LRRC7: variants seen among roughly 807,000 people sequenced by gnomAD.
The protein encoded by LRRC7 is leucine-rich repeat-containing protein 7.
In LRRC7, 23 loss-of-function variants were observed where a neutral mutation model predicts 175.7. The ratio of observed to expected loss-of-function variants is 0.13; its 90% CI spans 0.09 to 0.19. The LOEUF is 0.19. Ranked by LOEUF, LRRC7 falls within the 10% of genes least tolerant of loss-of-function variation. The pLI is 1.00. For synonymous variants in LRRC7, 685 were observed against 680.9 expected, an observed-to-expected ratio of 1.01 and a Z score of -0.09; for missense variants, 1,354 against 1,904.7, an observed-to-expected ratio of 0.71 and a Z score of 5.38.
intron 1 of LRRC7, among the ~76,000 whole-genome samples, chr1:69,652,916 A>G (rs1267064656): frequency 1.3e-5 from 2 of 152,134 alleles, no homozygotes; most frequent in African/African-American, 4.8e-5. Flanking sequence ...TAGTGTGGGG[A>G]AAGCTGAATA....
chr1:69,632,356 T>C (rs1489326359), intron 1 of LRRC7, among the ~76,000 whole-genome samples: 1 of 152,206 alleles, frequency 6.6e-6, no homozygotes. Flanking sequence ...CTGTGATATA[T>C]GGCTTATAAA....
chr1:70,013,487 T>A (rs1656702399), intron 13 of LRRC7, among the ~76,000 whole-genome samples: 1 of 151,948 alleles, frequency 6.6e-6, no homozygotes, highest in Non-Finnish European at 1.5e-5. Flanking sequence ...TATTTTGGTT[T>A]CCAACAAATT....
intron 1 of LRRC7, among the ~76,000 whole-genome samples, chr1:69,589,431 C>T (rs955099168): frequency 8.5e-5 from 13 of 152,192 alleles, no homozygotes; most frequent in African/African-American, 2.6e-4. Flanking sequence ...AGCTCAGACG[C>T]GTTCATGTCT....
At chr1:69,596,537 T>C (rs973974096) in intron 1 of LRRC7, among the ~76,000 whole-genome samples, 4 of 152,206 alleles carry the variant, frequency 2.6e-5, no homozygotes, top group Non-Finnish European at 1.5e-5. Flanking sequence ...CACGGAAGTG[T>C]CGCAGAAAGA....
intron 7 of LRRC7, among the ~76,000 whole-genome samples, chr1:69,858,673 A>G (rs1015335823): frequency 3.9e-5 from 6 of 152,088 alleles, no homozygotes; most frequent in East Asian, 1.9e-4. Flanking sequence ...GATCCAGATG[A>G]CAACTGCTCA....
chr1:69,684,822 G>C (rs1660926036), intron 2 of LRRC7, among the ~76,000 whole-genome samples: 1 of 152,170 alleles, frequency 6.6e-6, no homozygotes, highest in Non-Finnish European at 1.5e-5. Context: ...TTGGAAGAGA[G>C]CCACCGATAT....
chr1:69,924,777 T>C lies in LRRC7; in HGVS notation c.648-6730T>C, dbSNP rs1329027559. On this transcript the variant is annotated intron_variant, in intron 7 of 26. Coordinates refer to ENST00000651989, the MANE Select transcript of LRRC7 (RefSeq NM_001370785.2). ...CAATTTGACTTCCTCTTTTCCTAAT[T>C]GGATACCCTTTATTTCTTTCTCATG... is the stretch of plus-strand genomic sequence containing the variant. Among the ~76,000 whole-genome samples, 18 of 152,348 alleles carry C rather than the reference T, an allele frequency of 1.2e-4. No individual in the cohort carries two copies. In the East Asian group the frequency reaches 2.9e-3, roughly 24 times the overall value.
At position 69,635,291 on chromosome 1, in the gene LRRC7, T is replaced by C. The variant is rs1436705989; in HGVS notation, c.3-43090T>C. Among the ~76,000 whole-genome samples the C allele has an allele frequency of 1.5e-4, 23 of 152,060 alleles. No homozygotes were observed. In the East Asian group the frequency reaches 3.5e-3, roughly 23 times the overall value. On this transcript the variant is annotated intron_variant, in intron 1 of 26. Transcript: ENST00000651989. ...TTTATGGCTGCATAGTATTCCATGG[T>C]GTATTTAGTGTTTGCTTTAAGCTTA...
At chr1:70,024,038 AAC>A (rs1657815631) in intron 17 of LRRC7, among the ~76,000 whole-genome samples, 1 of 152,072 alleles carries the variant, frequency 6.6e-6, no homozygotes. Flanking sequence ...ATGTCTTGTA[AAC>A]TTTACTATCC....
At chr1:69,818,087 A>C (rs949874106) in intron 4 of LRRC7, among the ~76,000 whole-genome samples, 2 of 152,026 alleles carry the variant, frequency 1.3e-5, no homozygotes, top group Non-Finnish European at 2.9e-5. Context: ...TTCCTTTCTG[A>C]CTTAGTTGCC....
chr1:69,715,591 A>T (rs1477204346), intron 2 of LRRC7, among the ~76,000 whole-genome samples: 1 of 151,982 alleles, frequency 6.6e-6, no homozygotes, highest in Non-Finnish European at 1.5e-5. Flanking sequence ...CTATGACTAT[A>T]TGCACATATA....
intron 4 of LRRC7, among the ~76,000 whole-genome samples, chr1:69,810,011 A>G (rs1336624354): frequency 6.6e-6 from 1 of 152,194 alleles, no homozygotes; most frequent in Non-Finnish European, 1.5e-5. Context: ...ATGATTGTAT[A>G]TTTAAAAAAC....
intron 4 of LRRC7, among the ~76,000 whole-genome samples, chr1:69,817,480 A>G (rs1678734143): frequency 6.6e-6 from 1 of 151,954 alleles, no homozygotes; most frequent in South Asian, 2.1e-4. Context: ...ATTTATTCCA[A>G]TGATCTCTAA....
At chr1:69,936,165 C>T (rs1447705205) in intron 8 of LRRC7, among the ~76,000 whole-genome samples, 2 of 152,118 alleles carry the variant, frequency 1.3e-5, no homozygotes, top group African/African-American at 4.8e-5. Context: ...TTGTAATTAG[C>T]ACAAACAATA....
chr1:70,128,462 A>G lies in LRRC7; in HGVS notation c.*6575A>G, dbSNP rs1666535978. 6.6e-6 allele frequency: 1 copy of G among 152,206 alleles called. No individual in the cohort carries two copies. The highest frequency in any genetic ancestry group is 2.1e-4 in the South Asian group (1 of 4,834). The allele number at this position is 152,206 out of a possible 1,614,324, so 9.4% of individuals were successfully genotyped here. ...TAAGCAGCCTAACAAATAGCCAAGT[A>G]TCTTTACATCCAGAGTAAAGTATCT... On this transcript the variant is annotated 3_prime_UTR_variant, in exon 27 of 27. Transcript: ENST00000651989.
rs1281563869 is a variant in LRRC7, at chr1:69,834,977, C to T, written c.590+108C>T. ...AGTGTCAGTTGTGATTAAAGATAGG[C>T]CTCATTATTATTCAATAAATGAAAC... is the stretch of plus-strand genomic sequence containing the variant. On this transcript the variant is annotated intron_variant, in intron 6 of 26. Coordinates refer to ENST00000651989, the MANE Select transcript of LRRC7 (RefSeq NM_001370785.2). 8 of 774,464 alleles carry T rather than the reference C, an allele frequency of 1.0e-5. No individual in the cohort carries two copies. In the East Asian group the frequency reaches 1.9e-4, roughly 19 times the overall value. The allele number at this position is 774,464 out of a possible 1,614,324, so 48.0% of individuals were successfully genotyped here. A position where few individuals can be genotyped will look rare whatever the true frequency, so the allele number is the denominator to read the frequency against.
chr1:69,622,023 C>T (rs1650698520), intron 1 of LRRC7, among the ~76,000 whole-genome samples: 1 of 152,156 alleles, frequency 6.6e-6, no homozygotes, highest in African/African-American at 2.4e-5. Context: ...TACCTTATCT[C>T]TATTTGCATA....
intron 1 of LRRC7, among the ~76,000 whole-genome samples, chr1:69,675,243 C>T (rs1032021386): frequency 6.6e-6 from 1 of 152,128 alleles, no homozygotes; most frequent in Non-Finnish European, 1.5e-5. Context: ...GGAGGCTAAC[C>T]TGAGGGTCTT....
intron 8 of LRRC7, among the ~76,000 whole-genome samples, chr1:69,979,589 G>A (rs1393535467): frequency 6.6e-6 from 1 of 152,004 alleles, no homozygotes; most frequent in Non-Finnish European, 1.5e-5. Context: ...TCTAGATCTA[G>A]ATCATCAGCT....
Sources: allele counts gnomAD v4.1 joint callset (sites outside exome capture counted in the v4.1 genomes callset), GRCh38; gene constraint gnomAD v4.1.1; transcripts MANE v1.5; gene names NCBI Gene and HGNC (gene_info 2026-07-23, HGNC 2026-07-21).